Variants in GRK5 observed in about 807,000 individuals in gnomAD.
GRK5 encodes G protein-coupled receptor kinase 5.
A neutral mutation model predicts 78.4 loss-of-function variants in GRK5; 40 were observed. That is an observed-to-expected ratio of 0.51 (90% confidence interval 0.40 to 0.66). GRK5 has a LOEUF of 0.66. Among genes scored for constraint, GRK5 ranks in the 30% least tolerant of loss-of-function variants. GRK5 has a pLI of 0.00. For missense variants in GRK5, 598 were observed against 759.9 expected, an observed-to-expected ratio of 0.79 and a Z score of 2.50; for synonymous variants, 289 against 296.8, an observed-to-expected ratio of 0.97 and a Z score of 0.27.
At chr10:119,224,071 C>T (rs12221409) in intron 1 of GRK5, among the ~76,000 whole-genome samples, 24,260 of 152,144 alleles carry the variant, frequency 0.16, 2,039 homozygotes, top group South Asian at 0.2. Context: ...AGGAAGATCA[C>T]TTGAGCCAGG....
intron 2 of GRK5, among the ~76,000 whole-genome samples, chr10:119,360,594 G>A: frequency 6.6e-6 from 1 of 152,024 alleles, no homozygotes; most frequent in East Asian, 1.9e-4. Context: ...GTATGAGTGG[G>A]AGGAGCCTGT....
rs574748031 is a variant in GRK5, at chr10:119,436,979, A to T, written c.929+138A>T. On this transcript the variant is annotated intron_variant, in intron 9 of 15. Transcript: ENST00000392870. The stretch of plus-strand genomic sequence containing the variant: ...ACCAGGGGAGGATGCAGAGTCAGAC[A>T]GACTTTCCACTCCAGGAAGCTGGGG... 1.4e-4 allele frequency: 119 copies of T among 821,294 alleles called. No homozygotes were observed. In the African/African-American group the frequency reaches 1.9e-3, roughly 13 times the overall value. The allele number at this position is 821,294 out of a possible 1,614,324, so 50.9% of individuals were successfully genotyped here.
At chr10:119,269,358 AG>A (rs919655858) in intron 1 of GRK5, among the ~76,000 whole-genome samples, 1 of 152,126 alleles carries the variant, frequency 6.6e-6, no homozygotes, top group Non-Finnish European at 1.5e-5. Flanking sequence ...AACCCATGGA[AG>A]GGGTTTCCTG....
intron 1 of GRK5, among the ~76,000 whole-genome samples, chr10:119,261,286 T>C (rs1353783460): frequency 6.7e-6 from 1 of 149,906 alleles, no homozygotes; most frequent in Non-Finnish European, 1.5e-5. Flanking sequence ...GAGGCGCTCC[T>C]CACATCCCAG....
intron 1 of GRK5, among the ~76,000 whole-genome samples, chr10:119,315,326 T>C (rs1417467388): frequency 6.6e-6 from 1 of 152,192 alleles, no homozygotes; most frequent in Non-Finnish European, 1.5e-5. Flanking sequence ...AGGCCTGTAA[T>C]TGGGATCTCG....
chr10:119,245,227 A>C (rs1170492488), intron 1 of GRK5, among the ~76,000 whole-genome samples: 1 of 152,152 alleles, frequency 6.6e-6, no homozygotes, highest in Non-Finnish European at 1.5e-5. Context: ...GCAGTGAGCC[A>C]AGATCGCACT....
chr10:119,226,691 C>G (rs914818573), intron 1 of GRK5, among the ~76,000 whole-genome samples: 2 of 151,574 alleles, frequency 1.3e-5, no homozygotes, highest in African/African-American at 4.8e-5. Context: ...ATTACAGGCG[C>G]CTGCTACCAT....
Position 119,208,111 on chromosome 10 carries a change from G to A in GRK5, c.52+142G>A, listed in dbSNP as rs1025204023. 9 of 719,426 alleles carry A rather than the reference G, an allele frequency of 1.3e-5. No individual in the cohort carries two copies. In the Admixed American group the frequency reaches 2.4e-4, roughly 19 times the overall value. The allele number at this position is 719,426 out of a possible 1,614,324, so 44.6% of individuals were successfully genotyped here. A position where few individuals can be genotyped will look rare whatever the true frequency, so the allele number is the denominator to read the frequency against. On this transcript the variant is annotated intron_variant, in intron 1 of 15. Transcript: ENST00000392870. ...TCGCGAGCAGGACACTTCGGAGAGC[G>A]GCTCTGCAGACCCTTCAGGGTTCCT...
At chr10:119,450,138 T>C (rs7913091) in intron 13 of GRK5, among the ~76,000 whole-genome samples, 27,990 of 152,064 alleles carry the variant, frequency 0.18, 3,243 homozygotes, top group African/African-American at 0.32. Flanking sequence ...AACCACATAG[T>C]GTTGAGTGCA....
chr10:119,286,498 T>G (rs1461784162), intron 1 of GRK5, among the ~76,000 whole-genome samples: 1 of 152,264 alleles, frequency 6.6e-6, no homozygotes, highest in African/African-American at 2.4e-5. Context: ...CGTGGGGGTC[T>G]GGAGGGCCCC....
chr10:119,419,737 G>A (rs1003659186), intron 4 of GRK5, among the ~76,000 whole-genome samples: 31 of 152,350 alleles, frequency 2.0e-4, no homozygotes, highest in African/African-American at 7.2e-4. Context: ...AGGGAGTTCA[G>A]TTGGCTGTCC....
chr10:119,213,637 G>T (rs896382774), intron 1 of GRK5, among the ~76,000 whole-genome samples: 1 of 152,122 alleles, frequency 6.6e-6, no homozygotes, highest in Non-Finnish European at 1.5e-5. Context: ...ATATTGAAAA[G>T]ATGTATTTTG....
intron 1 of GRK5, among the ~76,000 whole-genome samples, chr10:119,315,638 G>A (rs1418231095): frequency 6.6e-6 from 1 of 152,246 alleles, no homozygotes; most frequent in Non-Finnish European, 1.5e-5. Flanking sequence ...AGCACAGTGG[G>A]AGCTGAGTCC....
At chr10:119,448,306 C>T (rs763235499) in intron 13 of GRK5, 46 bp downstream of exon 13, 2 of 1,554,784 alleles carry the variant, frequency 1.3e-6, no homozygotes, top group Admixed American at 2.2e-5. Context: ...CACAGGGTAC[C>T]CAGGGCTGCC....
intron 1 of GRK5, among the ~76,000 whole-genome samples, chr10:119,223,410 C>A (rs1848687921): frequency 6.6e-6 from 1 of 152,174 alleles, no homozygotes; most frequent in Admixed American, 6.5e-5. Context: ...CCTGCCTGTA[C>A]TGAAGCAGCA....
Position 119,459,230 on chromosome 10 carries a change from C to T in GRK5, c.*4163C>T, listed in dbSNP as rs1317986816. 1 of 152,336 alleles carries T rather than the reference C, an allele frequency of 6.6e-6. No individual in the cohort carries two copies. The highest frequency in any genetic ancestry group is 1.9e-4 in the East Asian group (1 of 5,208). The allele number at this position is 152,336 out of a possible 1,614,324, so 9.4% of individuals were successfully genotyped here. A position where few individuals can be genotyped will look rare whatever the true frequency, so the allele number is the denominator to read the frequency against. ...GCAAAGCCTCCTCTCCCAGAGACCC[C>T]TTCTGCGCCTGCCCTCCCCACCCAC... is the stretch of plus-strand genomic sequence containing the variant. On this transcript the variant is annotated 3_prime_UTR_variant, in exon 16 of 16. Coordinates refer to ENST00000392870, the MANE Select transcript of GRK5 (RefSeq NM_005308.3).
chr10:119,459,357 G>A lies in GRK5; in HGVS notation c.*4290G>A, dbSNP rs11198938. 6.6e-6 allele frequency: 1 copy of A among 152,126 alleles called. No homozygotes were observed. The highest frequency in any genetic ancestry group is 1.9e-4 in the East Asian group (1 of 5,178). The allele number at this position is 152,126 out of a possible 1,614,324, so 9.4% of individuals were successfully genotyped here. On this transcript the variant is annotated 3_prime_UTR_variant, in exon 16 of 16. Coordinates refer to ENST00000392870, the MANE Select transcript of GRK5 (RefSeq NM_005308.3). ...AAGGCTTGTGCCGGAGACAGTGATT[G>A]AAAACATTTGAAAAGCCAGCTCTCC... is the stretch of plus-strand genomic sequence containing the variant.
chr10:119,361,641 G>C (rs765915110), intron 2 of GRK5, among the ~76,000 whole-genome samples: 1 of 152,112 alleles, frequency 6.6e-6, no homozygotes, highest in Non-Finnish European at 1.5e-5. Context: ...CTGGGTGCCC[G>C]GCAGTGGGGG....
chr10:119,431,618 C>T lies in GRK5; in HGVS notation c.738+91C>T, dbSNP rs1024395392. ...GAAGGGCGTGGTCCTCTAATGCGGC[C>T]GGTCCCCACCCCTGGGAAGGGGAAT... On this transcript the variant is annotated intron_variant, in intron 8 of 15. Transcript: ENST00000392870. This position sits in a 1 kb window ranked among gnomAD's most constrained non-coding sequence, Gnocchi z 4.8. The T allele has an allele frequency of 1.5e-5, 21 of 1,446,036 alleles. No homozygotes were observed. The highest frequency in any genetic ancestry group is 5.7e-5 in the African/African-American group (4 of 69,666). 89.6% of individuals were successfully genotyped at this position (1,446,036 alleles called of 1,614,324 possible).
Sources: allele counts gnomAD v4.1 joint callset (sites outside exome capture counted in the v4.1 genomes callset), GRCh38; gene constraint gnomAD v4.1.1; non-coding constraint Gnocchi (gnomAD v3.1); transcripts MANE v1.5; gene names NCBI Gene and HGNC (gene_info 2026-07-23, HGNC 2026-07-21).